TCF7L2: variants seen among roughly 807,000 people sequenced by gnomAD.
TCF7L2 encodes transcription factor 7 like 2.
A neutral mutation model predicts 77.9 loss-of-function variants in TCF7L2; 23 were observed. The ratio of observed to expected loss-of-function variants is 0.30; its 90% CI spans 0.21 to 0.42. TCF7L2 has a LOEUF of 0.42. TCF7L2 is among the 10% of genes least tolerant of loss of function. TCF7L2 has a pLI of 1.00. For missense variants in TCF7L2, 654 were observed against 793.1 expected, an observed-to-expected ratio of 0.82 and a Z score of 2.11; for synonymous variants, 413 against 340.2, an observed-to-expected ratio of 1.21 and a Z score of -2.36.
intron 13 of TCF7L2, among the ~76,000 whole-genome samples, chr10:113,164,889 G>A (rs1057500204): frequency 6.6e-6 from 1 of 152,138 alleles, no homozygotes; most frequent in Non-Finnish European, 1.5e-5. Flanking sequence ...AAGCCCGAAA[G>A]CTCTCTGGGC....
intron 5 of TCF7L2, among the ~76,000 whole-genome samples, chr10:113,066,638 G>T (rs1405395545): frequency 6.6e-6 from 1 of 152,222 alleles, no homozygotes; most frequent in Admixed American, 6.5e-5. Context: ...TGGAACCTAT[G>T]TGGACCAGAT....
chr10:113,099,441 T>C (rs928472425), intron 5 of TCF7L2, among the ~76,000 whole-genome samples: 1 of 152,128 alleles, frequency 6.6e-6, no homozygotes, highest in African/African-American at 2.4e-5. Context: ...GAGGAGAGCA[T>C]CCAAGCCGCC....
intron 7 of TCF7L2, 72 bp from the exon 8 acceptor site, chr10:113,145,939 C>T (rs2069299680): frequency 7.6e-7 from 1 of 1,313,552 alleles, no homozygotes; most frequent in Non-Finnish European, 1.1e-6. Context: ...AGAACTTTTC[C>T]CTTTTCTTCT....
rs745573276 is a variant in TCF7L2, at chr10:113,151,894, G to A, written c.1161+10G>A. 9.5e-6 allele frequency: 15 copies of A among 1,586,900 alleles called. No homozygotes were observed. Among genetic ancestry groups the A allele is most frequent in the East Asian group, 2.2e-5 (1 of 44,730 alleles). On this transcript the variant is annotated intron_variant, in intron 10 of 13. Coordinates refer to ENST00000627217, the MANE Select transcript of TCF7L2 (RefSeq NM_001146274.2). This position sits in a 1 kb window ranked among gnomAD's most constrained non-coding sequence, Gnocchi z 5.2. The stretch of plus-strand genomic sequence containing the variant: ...GATCCTTGGGCGGAGGGTAGGTGAC[G>A]CCCTTCTCAGGGAGAAGCGGGGGGC...
chr10:112,994,087 T>C (rs1432666201), intron 4 of TCF7L2, among the ~76,000 whole-genome samples: 1 of 151,072 alleles, frequency 6.6e-6, no homozygotes, highest in Non-Finnish European at 1.5e-5. Flanking sequence ...GCAGCTCTAC[T>C]GAGATATTTA....
rs78287920 is a variant in TCF7L2 at position 113,125,083 on chromosome 10, G to A, written c.553-16101G>A. Among the ~76,000 whole-genome samples, 426 of 152,270 alleles carry A rather than the reference G, an allele frequency of 2.8e-3. 2 individuals carry two copies. The highest frequency in any genetic ancestry group is 4.5e-3 in the Non-Finnish European group (309 of 68,030). ...GGAATCTGGGGAATAAGGGTGGAAA[G>A]AGCTGAGCTGATGAAGGTGTTTCTT... On this transcript the variant is annotated intron_variant, in intron 5 of 13. Coordinates refer to ENST00000627217, the MANE Select transcript of TCF7L2 (RefSeq NM_001146274.2).
rs114400549 is a variant in TCF7L2, at chr10:113,098,803, C to T, written c.553-42381C>T. ...TGTTCTACGAATTGTAATATAAATT[C>T]GTATTATTGCCACCACGTAGGACAC... On this transcript the variant is annotated intron_variant, in intron 5 of 13. Transcript: ENST00000627217. 7.2e-3 allele frequency among the ~76,000 whole-genome samples: 1,089 copies of T among 152,252 alleles called. 11 individuals carry two copies. Among genetic ancestry groups the T allele is most frequent in the African/African-American group, 0.024 (1,015 of 41,544 alleles).
intron 4 of TCF7L2, among the ~76,000 whole-genome samples, chr10:113,015,921 G>T (rs2047259108): frequency 6.6e-6 from 1 of 152,182 alleles, no homozygotes. Flanking sequence ...ACAGAGCAGG[G>T]GTTTCCTTAC....
At chr10:112,987,946 C>T (rs1027051497) in intron 4 of TCF7L2, 11 of 147,208 alleles carry the variant, frequency 7.5e-5, no homozygotes, top group Admixed American at 1.4e-4. Context: ...AAAAAAAACG[C>T]ACCAGAGACA....
intron 5 of TCF7L2, among the ~76,000 whole-genome samples, chr10:113,117,963 C>T (rs891515045): frequency 7.9e-6 from 1 of 126,864 alleles, no homozygotes; most frequent in Non-Finnish European, 1.6e-5. Flanking sequence ...GCTTGCTCGC[C>T]CCCACCCCCC....
chr10:112,992,229 G>A (rs549599396), intron 4 of TCF7L2, among the ~76,000 whole-genome samples: 152 of 152,316 alleles, frequency 1.0e-3, no homozygotes, highest in African/African-American at 3.4e-3. Context: ...CTTGCCAAGC[G>A]CAGAGAAAGC....
In TCF7L2 at chr10:112,950,932, C is replaced by A. The variant is rs768298443; in HGVS notation, c.176C>A (p.Ser59Tyr). The stretch of plus-strand genomic sequence containing the variant: ...GAATCAGAAACGAATCAAAACAGCT[C>A]CTCCGATTCCGAGGTAGGAAAAGCC... Residue 59 changes from serine to tyrosine, a missense_variant, in exon 1 of 14, where the codon TCC becomes TAC. This residue lies in a region of TCF7L2 where 132 missense variants were observed against 123.7 expected (regional missense o/e 1.07). Transcript: ENST00000627217. The A allele has an allele frequency of 6.2e-7, 1 of 1,610,500 alleles. No individual in the cohort carries two copies. The highest frequency in any genetic ancestry group is 8.5e-7 in the Non-Finnish European group (1 of 1,178,872).
At position 112,959,735 on chromosome 10, in the gene TCF7L2, C is replaced by T. The variant is rs79056017; in HGVS notation, c.382-4821C>T. On this transcript the variant is annotated intron_variant, in intron 3 of 13. Transcript: ENST00000627217. ...CAAAGTCTTGGTCAAAAGTTTATTT[C>T]CCATTAAATGTAAAAGGCTCTCAAC... 3.4e-3 allele frequency among the ~76,000 whole-genome samples: 522 copies of T among 152,184 alleles called. 4 individuals carry two copies. Among genetic ancestry groups the T allele is most frequent in the East Asian group, 0.014 (70 of 5,158 alleles).
intron 4 of TCF7L2, among the ~76,000 whole-genome samples, chr10:112,995,070 C>T (rs922699921): frequency 1.3e-5 from 2 of 152,206 alleles, no homozygotes; most frequent in African/African-American, 2.4e-5. Context: ...CATTGCACTC[C>T]AGCCTGGGCA....
At chr10:113,135,694 T>C (rs1214229839) in intron 5 of TCF7L2, among the ~76,000 whole-genome samples, 1 of 152,320 alleles carries the variant, frequency 6.6e-6, no homozygotes. Context: ...AACATCCTAT[T>C]AAATGTCTTT....
intron 4 of TCF7L2, among the ~76,000 whole-genome samples, chr10:112,974,528 C>G (rs2038986501): frequency 1.3e-5 from 2 of 152,176 alleles, no homozygotes; most frequent in Admixed American, 1.3e-4. Context: ...ACTGCCACTT[C>G]TGCCTCCTGA....
At chr10:112,991,505 C>A (rs1225017683) in intron 4 of TCF7L2, among the ~76,000 whole-genome samples, 4 of 149,334 alleles carry the variant, frequency 2.7e-5, no homozygotes, top group African/African-American at 9.9e-5. Flanking sequence ...GAGACTCCAT[C>A]TCAAAAAAAA....
At chr10:113,157,666 C>T (rs1229262655) in intron 11 of TCF7L2, 3 of 218,982 alleles carry the variant, frequency 1.4e-5, no homozygotes, top group Admixed American at 5.3e-5. Flanking sequence ...GCTTGCAACG[C>T]CATCATCCCA....
intron 7 of TCF7L2, among the ~76,000 whole-genome samples, chr10:113,145,645 A>G (rs1343668917): frequency 1.3e-5 from 2 of 152,070 alleles, no homozygotes; most frequent in Non-Finnish European, 2.9e-5. Context: ...TTTGGTATAA[A>G]TTTACATTCA....
Sources: gnomAD v4.1 joint callset for allele counts (sites outside exome capture counted in the v4.1 genomes callset) on GRCh38, gnomAD v4.1.1 for gene constraint, gnomAD v4.1.1 regional missense constraint, Gnocchi (gnomAD v3.1) non-coding constraint, MANE v1.5 for transcripts, NCBI Gene and HGNC (gene_info 2026-07-23, HGNC 2026-07-21) for gene names.